The following TRPM4 variants were observed in gnomAD, a reference collection of about 807,000 sequenced individuals.
The protein encoded by TRPM4 is transient receptor potential cation channel subfamily M member 4, also known as calcium-activated non-selective cation channel 1.
A neutral mutation model predicts 135.6 loss-of-function variants in TRPM4; 124 were observed. That is an observed-to-expected ratio of 0.91 (90% confidence interval 0.79 to 1.06). The LOEUF (loss-of-function observed/expected upper bound fraction) is 1.06. Among genes scored for constraint, TRPM4 ranks in the 50% least tolerant of loss-of-function variants. The pLI is 0.00. For missense variants in TRPM4, 1,658 were observed against 1,671.4 expected (o/e 0.99, Z 0.14); for synonymous variants, 745 against 705.6 (o/e 1.06, Z -0.88).
chr19:49,158,527 C>T (rs1000645679), intron 2 of TRPM4: 3 of 507,362 alleles, frequency 5.9e-6, no homozygotes, highest in Middle Eastern at 5.4e-4. Context: ...CTTCTATGTG[C>T]TTCTGTCTCT....
At chr19:49,190,440 G>T (rs1968367946) in intron 15 of TRPM4, 120 bp downstream of exon 15, 1 of 968,654 alleles carries the variant, frequency 1.0e-6, no homozygotes, top group South Asian at 1.4e-5. Context: ...CTAGGAATGG[G>T]ACTCTCTGTC....
Position 49,167,982 on chromosome 19 carries a change from C to A in TRPM4, c.333C>A (p.Gly111=). 1 of 1,614,070 alleles carries A rather than the reference C, an allele frequency of 6.2e-7. No homozygotes were observed. The highest frequency in any genetic ancestry group is 8.5e-7 in the Non-Finnish European group (1 of 1,180,030). ...ATAGTCTGGTCACACGCACATGGGG[C>A]TTCCGTGCCCCGAACCTGGTGGTGT... The part of the protein sequence containing the change: ...AVYSLVTRTW[G]FRAPNLVVSV... Residue 111 remains glycine (G), a synonymous_variant, in exon 4 of 25, where the codon GGC becomes GGA. Transcript: ENST00000252826.
In TRPM4 at chr19:49,200,356, T is replaced by A; in HGVS notation, c.2702T>A (p.Val901Asp). ...ACTGTCCTCTGCATCGACTTCATGG[T>A]TTTCACGGTGCGGCTGCTTCACATC... ...GRTVLCIDFMVFTVRLLHIFT... is the reference protein window; with the variant it reads ...GRTVLCIDFMDFTVRLLHIFT... The change falls in exon 18 of 25, where the codon GTT (valine) becomes GAT (aspartate). Residue 901 changes from valine (V) to aspartate (D), a missense_variant. Physicochemically the swap from Val to Asp is radical, Grantham distance 152. Transcript: ENST00000252826. The A allele has an allele frequency of 6.2e-7, 1 of 1,613,976 alleles. No homozygotes were observed. The highest frequency in any genetic ancestry group is 1.1e-5 in the South Asian group (1 of 91,052).
intron 20 of TRPM4, among the ~76,000 whole-genome samples, chr19:49,205,707 T>G (rs986348625): frequency 1.3e-5 from 2 of 151,578 alleles, no homozygotes; most frequent in African/African-American, 4.9e-5. Flanking sequence ...AGCTAATTTT[T>G]GTATTTTTAG....
rs749307006 is a variant in TRPM4 at position 49,196,435 on chromosome 19, C to T, written c.2211-5C>T. 2 of 1,536,020 alleles carry T rather than the reference C, an allele frequency of 1.3e-6. No homozygotes were observed. The highest frequency in any genetic ancestry group is 1.7e-6 in the Non-Finnish European group (2 of 1,144,324). ...CCTCCTCCCTTCTCTTCTCTTCCCC[C>T]ACAGGACGGCGGACCCAGCCGAGAA... On this transcript the variant is annotated splice_region_variant and splice_polypyrimidine_tract_variant and intron_variant, in intron 16 of 24. Coordinates refer to ENST00000252826, the MANE Select transcript of TRPM4 (RefSeq NM_017636.4).
rs148499675 is a variant in TRPM4 at position 49,168,611 on chromosome 19, C to T, written c.671C>T (p.Pro224Leu). Reference sequence around the variant, plus strand: ...GACCCGGAGGACGGGGTCCAGTTTCCCCTGGACTACAACTACTCGGCCTTC... The same window carrying T: ...GACCCGGAGGACGGGGTCCAGTTTCTCCTGGACTACAACTACTCGGCCTTC... ...RGDPEDGVQF[P>L]LDYNYSAFFL... is the part of the protein sequence containing the mutation. Residue 224 changes from proline to leucine, a missense_variant, in exon 6 of 25, where the codon CCC (proline) becomes CTC (leucine). By Grantham distance (98) the Pro-to-Leu change is moderately conservative. Transcript: ENST00000252826. The T allele has an allele frequency of 6.2e-7, 1 of 1,613,640 alleles. No individual in the cohort carries two copies. The highest frequency in any genetic ancestry group is 1.3e-5 in the African/African-American group (1 of 74,900).
rs1446703456 is a variant in TRPM4, at chr19:49,196,510, G to C, written c.2281G>C (p.Gly761Arg). The C allele has an allele frequency of 2.6e-6, 4 of 1,533,970 alleles. No individual in the cohort carries two copies. In the African/African-American group the frequency reaches 7.1e-5, roughly 27 times the overall value. ...RQSGRPGCCGGRCGGRRCLRR... is the reference protein window; with the variant it reads ...RQSGRPGCCGRRCGGRRCLRR... Reference sequence around the variant, plus strand: ...GTCGGGCCGTCCGGGTTGCTGCGGGGGCCGCTGCGGGGGGCGCCGGTGCCT... The same window carrying C: ...GTCGGGCCGTCCGGGTTGCTGCGGGCGCCGCTGCGGGGGGCGCCGGTGCCT... Residue 761 changes from glycine (G) to arginine (R), a missense_variant, in exon 17 of 25, where the codon GGC (glycine) becomes CGC (arginine). By Grantham distance (125) the Gly-to-Arg change is moderately radical. Around this residue, in one of 3 missense-constraint regions of TRPM4, gnomAD observed 1,412 missense variants for 1,408.7 expected, o/e 1.00. Coordinates refer to ENST00000252826, the MANE Select transcript of TRPM4 (RefSeq NM_017636.4).
chr19:49,171,505 G>T lies in TRPM4; in HGVS notation c.859-73G>T. Reference sequence around the variant, plus strand: ...GTCCTGAGTCTTAGGGAGGGTCTGGGGGTCTGACTCCGGGTAGGGTGAATA... The same window carrying T: ...GTCCTGAGTCTTAGGGAGGGTCTGGTGGTCTGACTCCGGGTAGGGTGAATA... On this transcript the variant is annotated intron_variant, in intron 7 of 24. Coordinates refer to ENST00000252826, the MANE Select transcript of TRPM4 (RefSeq NM_017636.4). This position sits in a 1 kb window ranked among gnomAD's most constrained non-coding sequence, Gnocchi z 4.7. 1 of 1,611,600 alleles carries T rather than the reference G, an allele frequency of 6.2e-7. No homozygotes were observed.
In TRPM4 at chr19:49,210,544, A is replaced by G. The variant is rs1251126721; in HGVS notation, c.3328+139A>G. On this transcript the variant is annotated intron_variant, in intron 21 of 24. Transcript: ENST00000252826. This position sits in a 1 kb window ranked among gnomAD's most constrained non-coding sequence, Gnocchi z 4.1. ...GCGGGGTTTAAGCAACAAGGGGCGG[A>G]GCTTAAGCACTGAGGGGCAGTGCTT... 7 of 1,413,332 alleles carry G rather than the reference A, an allele frequency of 5.0e-6. No individual in the cohort carries two copies. The Admixed American group carries it at 9.6e-5, about 19-fold the overall frequency. The allele number at this position is 1,413,332 out of a possible 1,614,324, so 87.5% of individuals were successfully genotyped here.
Position 49,202,082 on chromosome 19 carries a change from C to T in TRPM4, c.3072C>T (p.Leu1024=), listed in dbSNP as rs200819970. The T allele has an allele frequency of 3.3e-5, 53 of 1,614,094 alleles. No individual in the cohort carries two copies. The highest frequency in any genetic ancestry group is 3.7e-5 in the Non-Finnish European group (44 of 1,180,022). The change falls in exon 20 of 25, where the codon CTC becomes CTT. Residue 1024 remains leucine (L), a synonymous_variant. Transcript: ENST00000252826. ...QYANWLVVLL[L]VIFLLVANIL... ...CCAACTGGCTGGTGGTGCTGCTCCT[C>T]GTCATCTTCCTGCTCGTGGCCAACA...
intron 16 of TRPM4, among the ~76,000 whole-genome samples, chr19:49,192,085 G>A (rs532009495): frequency 1.3e-4 from 20 of 152,334 alleles, no homozygotes; most frequent in African/African-American, 3.1e-4. Flanking sequence ...TATGGTTGCC[G>A]TTAAGGTATT....
intron 2 of TRPM4, among the ~76,000 whole-genome samples, chr19:49,164,164 G>A (rs1322599524): frequency 6.6e-6 from 1 of 151,882 alleles, no homozygotes; most frequent in Non-Finnish European, 1.5e-5. Context: ...CCTGGAATCT[G>A]GAACAAAGAA....
At chr19:49,170,032 T>G (rs551506749) in intron 6 of TRPM4, among the ~76,000 whole-genome samples, 1 of 152,306 alleles carries the variant, frequency 6.6e-6, no homozygotes, top group East Asian at 1.9e-4. Context: ...AAGCCATGTT[T>G]TCTTCAAATA....
At position 49,171,714 on chromosome 19, in the gene TRPM4, G is replaced by A. The variant is rs757286692; in HGVS notation, c.995G>A (p.Arg332Gln). 18 of 1,613,470 alleles carry A rather than the reference G, an allele frequency of 1.1e-5. No homozygotes were observed. The highest frequency in any genetic ancestry group is 2.7e-5 in the African/African-American group (2 of 74,880). Residue 332 changes from arginine to glutamine, a missense_variant, in exon 8 of 25, where the codon CGA (arginine) becomes CAA (glutamine). Physicochemically the swap from Arg to Gln is conservative, Grantham distance 43 (BLOSUM62 1). Transcript: ENST00000252826. This position sits in a 1 kb window ranked among gnomAD's most constrained non-coding sequence, Gnocchi z 4.7. ...GSGGARQGEA[R>Q]DRIRRFFPKG... ...GGGGGAGCCAGGCAAGGCGAAGCCCGAGATCGAATCAGGCGTTTCTTTCCC... is the reference window on the plus strand; with the variant it reads ...GGGGGAGCCAGGCAAGGCGAAGCCCAAGATCGAATCAGGCGTTTCTTTCCC...
chr19:49,164,237 CTT>C (rs1171205190), intron 2 of TRPM4, among the ~76,000 whole-genome samples: 14 of 149,598 alleles, frequency 9.4e-5, no homozygotes, highest in Admixed American at 3.3e-4. Context: ...TTCTCTCTCT[CTT>C]TCTTTCTTTC....
chr19:49,187,689 G>C (rs1001232333), intron 12 of TRPM4, among the ~76,000 whole-genome samples: 1 of 152,090 alleles, frequency 6.6e-6, no homozygotes, highest in Non-Finnish European at 1.5e-5. Context: ...AGAGTAATTC[G>C]CGCAGAGCCG....
chr19:49,190,514 G>C (rs1336515413), intron 15 of TRPM4, among the ~76,000 whole-genome samples, 182 bp from the exon 16 acceptor site: 1 of 152,164 alleles, frequency 6.6e-6, no homozygotes, highest in African/African-American at 2.4e-5. Flanking sequence ...GGTATCTCTA[G>C]TGGCAGTTAC....
intron 12 of TRPM4, among the ~76,000 whole-genome samples, chr19:49,184,471 TTTTTTTTG>T (rs1257350084): frequency 2.3e-5 from 3 of 132,688 alleles, no homozygotes; most frequent in South Asian, 2.6e-4. Context: ...TTTTTTTTTT[TTTTTTTTG>T]AGACAGAGTC....
In TRPM4 at chr19:49,188,766, C is replaced by T. The variant is rs758295164; in HGVS notation, c.1869C>T (p.Gly623=). 21 of 1,614,078 alleles carry T rather than the reference C, an allele frequency of 1.3e-5. No homozygotes were observed. Among genetic ancestry groups the T allele is most frequent in the Non-Finnish European group, 1.6e-5 (19 of 1,179,994 alleles). Reference sequence around the variant, plus strand: ...TGGCGTTCAAGTTTGAGGGGATGGGCGTTGGTGCGTGGGGCACGGTGCCTG... The same window carrying T: ...TGGCGTTCAAGTTTGAGGGGATGGGTGTTGGTGCGTGGGGCACGGTGCCTG... ...KDLAFKFEGM[G]VDLFGECYRS... The change falls in exon 13 of 25, where the codon GGC becomes GGT. Residue 623 remains glycine (G), a synonymous_variant. Coordinates refer to ENST00000252826, the MANE Select transcript of TRPM4 (RefSeq NM_017636.4).
Sources: allele counts gnomAD v4.1 joint callset (sites outside exome capture counted in the v4.1 genomes callset), GRCh38; gene constraint gnomAD v4.1.1; regional missense constraint gnomAD v4.1.1; non-coding constraint Gnocchi (gnomAD v3.1); transcripts MANE v1.5; gene names NCBI Gene and HGNC (gene_info 2026-07-23, HGNC 2026-07-21).